Variants in PLD5 observed in about 807,000 individuals in gnomAD.
PLD5 encodes inactive phospholipase D5.
Under a neutral mutation model 61.1 loss-of-function variants are expected in PLD5, and 36 were observed. The ratio of observed to expected loss-of-function variants is 0.59; its 90% confidence interval spans 0.45 to 0.78. The LOEUF is 0.78. Ranked by LOEUF, PLD5 falls within the 30% of genes least tolerant of loss-of-function variation. PLD5 has a pLI of 0.00. For synonymous variants in PLD5, 243 were observed against 242.8 expected (o/e 1.00, Z -0.01); for missense variants, 515 against 644.4 (o/e 0.80, Z 2.17).
chr1:242,453,050 T>C (rs1666837929), intron 1 of PLD5, among the ~76,000 whole-genome samples: 3 of 152,182 alleles, frequency 2.0e-5, no homozygotes, highest in African/African-American at 7.2e-5. Flanking sequence ...GTCAGAATGT[T>C]TGTGGCCCCC....
rs566790494 is a variant in PLD5, at chr1:242,312,637, T to G, written c.327-24107A>C. On this transcript the variant is annotated intron_variant, in intron 2 of 9. Transcript: ENST00000536534. Reference sequence around the variant, plus strand: ...CCAAACTGTGCCACTTTTAGCTGTCTGAGCTCCTAGTTAAGCAACGCAGAG... The same window carrying G: ...CCAAACTGTGCCACTTTTAGCTGTCGGAGCTCCTAGTTAAGCAACGCAGAG... 4.6e-5 allele frequency among the ~76,000 whole-genome samples: 7 copies of G among 152,302 alleles called. No homozygotes were observed. The East Asian group carries it at 1.4e-3, about 29-fold the overall frequency.
At chr1:242,413,068 T>C (rs1377762902) in intron 1 of PLD5, among the ~76,000 whole-genome samples, 1 of 152,146 alleles carries the variant, frequency 6.6e-6, no homozygotes, top group Non-Finnish European at 1.5e-5. Context: ...CCTCCAGTGA[T>C]ATGAGCCTCA....
intron 2 of PLD5, among the ~76,000 whole-genome samples, chr1:242,323,361 C>T (rs770063346): frequency 1.3e-5 from 2 of 152,102 alleles, no homozygotes; most frequent in South Asian, 4.2e-4. Context: ...CTTTAGGTAA[C>T]TGTTTTTTTT....
chr1:242,175,878 G>A lies in PLD5; in HGVS notation c.735+44110C>T, dbSNP rs897386417. ...CTACTAATGGAATAGAACTTACCAAGGGGTGTAAAGGACCTCTTCAAGGAG... is the reference window on the plus strand; with the variant it reads ...CTACTAATGGAATAGAACTTACCAAAGGGTGTAAAGGACCTCTTCAAGGAG... On this transcript the variant is annotated intron_variant, in intron 5 of 9. Coordinates refer to ENST00000536534, the MANE Select transcript of PLD5 (RefSeq NM_001372062.1). Among the ~76,000 whole-genome samples the A allele has an allele frequency of 3.3e-5, 5 of 152,084 alleles. No individual in the cohort carries two copies. In the East Asian group the frequency reaches 9.7e-4, roughly 29 times the overall value.
At chr1:242,313,986 G>T (rs935860114) in intron 2 of PLD5, among the ~76,000 whole-genome samples, 13 of 152,132 alleles carry the variant, frequency 8.5e-5, no homozygotes, top group African/African-American at 1.7e-4. Context: ...CATCAAAGGC[G>T]TTTTTCCTAG....
chr1:242,185,347 T>C (rs1228947911), intron 5 of PLD5, among the ~76,000 whole-genome samples: 1 of 152,130 alleles, frequency 6.6e-6, no homozygotes, highest in Non-Finnish European at 1.5e-5. Context: ...TAAGCACTTA[T>C]CAATACATCA....
At chr1:242,291,279 T>G (rs966462125) in intron 2 of PLD5, among the ~76,000 whole-genome samples, 6 of 152,142 alleles carry the variant, frequency 3.9e-5, no homozygotes, top group African/African-American at 1.4e-4. Context: ...ACTTCTGCAG[T>G]GACCTGCTCC....
chr1:242,265,259 A>C (rs970177870), intron 4 of PLD5, 78 bp downstream of exon 4: 2 of 1,488,202 alleles, frequency 1.3e-6, no homozygotes, highest in Non-Finnish European at 1.8e-6. Flanking sequence ...TAAAGAAATT[A>C]TATATTATTT....
At position 242,086,914 on chromosome 1, in the gene PLD5, G is replaced by T. The variant is rs1659503225; in HGVS notation, c.*2940C>A. The stretch of plus-strand genomic sequence containing the variant: ...TAATTTCTGGCATGGACATCCACCA[G>T]AGGGTGTCAAATTAACCTGTTTTTG... On this transcript the variant is annotated 3_prime_UTR_variant, in exon 10 of 10. Coordinates refer to ENST00000536534, the MANE Select transcript of PLD5 (RefSeq NM_001372062.1). 1 of 152,016 alleles carries T rather than the reference G, an allele frequency of 6.6e-6. No individual in the cohort carries two copies. Among genetic ancestry groups the T allele is most frequent in the Non-Finnish European group, 1.5e-5 (1 of 68,024 alleles). The allele number at this position is 152,016 out of a possible 1,614,324, so 9.4% of individuals were successfully genotyped here.
intron 5 of PLD5, among the ~76,000 whole-genome samples, chr1:242,148,366 T>C (rs943700895): frequency 6.6e-6 from 1 of 151,536 alleles, no homozygotes; most frequent in South Asian, 2.1e-4. Flanking sequence ...CTATTCTTTC[T>C]ATAGTATGAC....
chr1:242,124,149 G>A (rs994991102), intron 6 of PLD5, among the ~76,000 whole-genome samples: 3 of 152,274 alleles, frequency 2.0e-5, no homozygotes, highest in South Asian at 4.2e-4. Context: ...ATGTCCCATC[G>A]GATGGGCTTT....
intron 1 of PLD5, chr1:242,365,812 C>G (rs921644900): frequency 3.5e-5 from 6 of 172,476 alleles, no homozygotes; most frequent in Non-Finnish European, 7.5e-5. Flanking sequence ...GGGCAAGCCC[C>G]CAGTGCCTGT....
intron 1 of PLD5, among the ~76,000 whole-genome samples, chr1:242,410,986 A>G (rs1664517893): frequency 6.6e-6 from 1 of 152,244 alleles, no homozygotes; most frequent in Admixed American, 6.5e-5. Context: ...TATTTTTAAA[A>G]GACCATTTGG....
intron 1 of PLD5, among the ~76,000 whole-genome samples, chr1:242,448,496 A>G (rs889703970): frequency 2.6e-5 from 4 of 152,210 alleles, no homozygotes; most frequent in African/African-American, 7.2e-5. Flanking sequence ...CCTATTTATT[A>G]TCAATGTCCT....
In PLD5 at chr1:242,107,774, C is replaced by G; in HGVS notation, c.1136G>C (p.Arg379Pro). 1 of 1,612,622 alleles carries G rather than the reference C, an allele frequency of 6.2e-7. No homozygotes were observed. Among genetic ancestry groups the G allele is most frequent in the Non-Finnish European group, 8.5e-7 (1 of 1,179,596 alleles). Reference sequence around the variant, plus strand: ...TTCCTTCCAGAAGCTTAAAAGGAGTCGAACTCTAACGCTTCGTAAAACTAA... The same window carrying G: ...TTCCTTCCAGAAGCTTAAAAGGAGTGGAACTCTAACGCTTCGTAAAACTAA... ...EALVLRSVRV[R>P]LLLSFWKETD... Residue 379 changes from arginine to proline, a missense_variant, in exon 8 of 10, where the codon CGA becomes CCA. Physicochemically the swap from Arg to Pro is moderately radical, Grantham distance 103. This residue lies in a region of PLD5 where 450 missense variants were observed against 598.1 expected (regional missense o/e 0.75). Coordinates refer to ENST00000536534, the MANE Select transcript of PLD5 (RefSeq NM_001372062.1).
intron 1 of PLD5, among the ~76,000 whole-genome samples, chr1:242,428,598 G>A (rs570337470): frequency 6.6e-6 from 1 of 152,148 alleles, no homozygotes; most frequent in Non-Finnish European, 1.5e-5. Context: ...CCCAGCTGCA[G>A]GTTATCTATT....
At chr1:242,128,565 A>C (rs750109745) in intron 5 of PLD5, among the ~76,000 whole-genome samples, 27 of 152,232 alleles carry the variant, frequency 1.8e-4, no homozygotes, top group Admixed American at 1.1e-3. Context: ...TCAAGCAAAC[A>C]AAAACAACTA....
intron 1 of PLD5, among the ~76,000 whole-genome samples, chr1:242,469,498 C>T (rs919875763): frequency 1.3e-5 from 2 of 152,074 alleles, no homozygotes; most frequent in African/African-American, 4.8e-5. Context: ...ATTGAGTTGT[C>T]TTTTCTCATG....
At chr1:242,383,772 T>A (rs1336944494) in intron 1 of PLD5, among the ~76,000 whole-genome samples, 3 of 152,170 alleles carry the variant, frequency 2.0e-5, no homozygotes, top group Non-Finnish European at 4.4e-5. Context: ...CTTAAGCATA[T>A]GACACAAAAA....
Sources: allele counts gnomAD v4.1 joint callset (sites outside exome capture counted in the v4.1 genomes callset), GRCh38; gene constraint gnomAD v4.1.1; regional missense constraint gnomAD v4.1.1; transcripts MANE v1.5; gene names NCBI Gene and HGNC (gene_info 2026-07-23, HGNC 2026-07-21).